The following ASAP1 variants were observed in gnomAD, a reference collection of about 807,000 sequenced individuals.
The protein encoded by ASAP1 is arf-GAP with SH3 domain, ANK repeat and PH domain-containing protein 1.
A neutral mutation model predicts 145.2 loss-of-function variants in ASAP1; 43 were observed. The observed-to-expected ratio is 0.30, with a 90% CI of 0.23 to 0.38. ASAP1 has a LOEUF of 0.38. Among genes scored for constraint, ASAP1 ranks in the 10% least tolerant of loss-of-function variants. The pLI, the probability that ASAP1 is intolerant of heterozygous loss-of-function variation, is 1.00. For synonymous variants in ASAP1, 546 were observed against 515.5 expected (o/e 1.06, Z -0.80); for missense variants, 1,018 against 1,355.3 (o/e 0.75, Z 3.91).
chr8:130,063,858 G>A (rs1192007301), intron 27 of ASAP1, among the ~76,000 whole-genome samples: 1 of 152,154 alleles, frequency 6.6e-6, no homozygotes, highest in Non-Finnish European at 1.5e-5. Flanking sequence ...AAAGAACTAG[G>A]GCCCTGCCTG....
chr8:130,253,887 G>A (rs186927479), intron 3 of ASAP1, among the ~76,000 whole-genome samples: 6 of 152,204 alleles, frequency 3.9e-5, no homozygotes, highest in African/African-American at 4.8e-5. Context: ...CAGCCGTGGC[G>A]GTGGGAGCCT....
intron 3 of ASAP1, among the ~76,000 whole-genome samples, chr8:130,279,050 G>A (rs866141898): frequency 6.6e-6 from 1 of 152,246 alleles, no homozygotes; most frequent in South Asian, 2.1e-4. Flanking sequence ...ATAAGGTATC[G>A]AAAGCCATGT....
intron 27 of ASAP1, among the ~76,000 whole-genome samples, chr8:130,070,745 A>G (rs1452794892): frequency 6.7e-6 from 1 of 150,100 alleles, no homozygotes; most frequent in African/African-American, 2.5e-5. Context: ...AGAGTTCCAC[A>G]ATAAAATGGA....
intron 4 of ASAP1, among the ~76,000 whole-genome samples, chr8:130,219,378 G>A (rs1012602360): frequency 1.3e-5 from 2 of 152,138 alleles, no homozygotes; most frequent in Admixed American, 6.5e-5. Context: ...AATAGCAAGG[G>A]CAACGGCAGA....
chr8:130,234,181 T>C (rs1586650570), intron 4 of ASAP1, among the ~76,000 whole-genome samples: 1 of 152,296 alleles, frequency 6.6e-6, no homozygotes, highest in East Asian at 1.9e-4. Context: ...CAGGACTTCC[T>C]GTGATGATGG....
At chr8:130,259,636 A>C (rs1398677737) in intron 3 of ASAP1, among the ~76,000 whole-genome samples, 1 of 152,246 alleles carries the variant, frequency 6.6e-6, no homozygotes, top group Non-Finnish European at 1.5e-5. Flanking sequence ...CTAATGAACC[A>C]TCATTATCTT....
intron 18 of ASAP1, among the ~76,000 whole-genome samples, chr8:130,121,713 G>A (rs1396942831): frequency 1.4e-5 from 2 of 147,014 alleles, no homozygotes; most frequent in African/African-American, 2.5e-5. Flanking sequence ...GAACCCGGGA[G>A]GTGGAGGTTG....
chr8:130,301,958 C>T (rs371467413), intron 3 of ASAP1, among the ~76,000 whole-genome samples: 2 of 152,226 alleles, frequency 1.3e-5, no homozygotes, highest in Admixed American at 6.5e-5. Context: ...GTAACCTCCA[C>T]GATGGCAGGG....
At chr8:130,144,469 A>G (rs2097622150) in intron 13 of ASAP1, among the ~76,000 whole-genome samples, 1 of 152,228 alleles carries the variant, frequency 6.6e-6, no homozygotes, top group Non-Finnish European at 1.5e-5. Flanking sequence ...ATAAAAGGCA[A>G]AGCTGAATTC....
intron 3 of ASAP1, among the ~76,000 whole-genome samples, chr8:130,288,832 G>T (rs1165787425): frequency 2.6e-5 from 4 of 152,220 alleles, no homozygotes; most frequent in Admixed American, 2.6e-4. Flanking sequence ...CCAATGATGG[G>T]AGATGGTTAA....
chr8:130,400,632 T>C (rs1297689971), intron 2 of ASAP1, among the ~76,000 whole-genome samples: 1 of 148,468 alleles, frequency 6.7e-6, no homozygotes, highest in Admixed American at 6.7e-5. Context: ...TAAAAAAAAA[T>C]ACAAAAAAAT....
intron 29 of ASAP1, among the ~76,000 whole-genome samples, chr8:130,057,466 T>TC (rs1414087772): frequency 6.6e-6 from 1 of 152,208 alleles, no homozygotes; most frequent in Non-Finnish European, 1.5e-5. Flanking sequence ...TTCTTTTTTT[T>TC]CAGATGGAGT....
intron 4 of ASAP1, among the ~76,000 whole-genome samples, chr8:130,220,479 G>C (rs548003621): frequency 1.3e-5 from 2 of 152,210 alleles, no homozygotes; most frequent in Admixed American, 1.3e-4. Context: ...ATTTAAATTA[G>C]AATATGCCAC....
chr8:130,133,308 A>G (rs2097586002), intron 15 of ASAP1, among the ~76,000 whole-genome samples: 1 of 152,184 alleles, frequency 6.6e-6, no homozygotes, highest in Non-Finnish European at 1.5e-5. Flanking sequence ...CTAGCATTTT[A>G]AAAAAGGGAC....
intron 3 of ASAP1, among the ~76,000 whole-genome samples, chr8:130,320,633 G>A (rs557836521): frequency 3.9e-5 from 2 of 50,724 alleles, no homozygotes; most frequent in Non-Finnish European, 7.0e-5. Flanking sequence ...CTGTATGAAG[G>A]AGGAAGAGTT....
At chr8:130,063,801 T>G (rs540349143) in intron 27 of ASAP1, among the ~76,000 whole-genome samples, 2 of 152,304 alleles carry the variant, frequency 1.3e-5, no homozygotes, top group Non-Finnish European at 2.9e-5. Context: ...TTGCTGGGCA[T>G]GTGCCGTGCC....
chr8:130,128,647 T>C (rs1372396577), intron 15 of ASAP1, among the ~76,000 whole-genome samples: 1 of 152,210 alleles, frequency 6.6e-6, no homozygotes, highest in Non-Finnish European at 1.5e-5. Flanking sequence ...GGAAACATGA[T>C]GACATTTATA....
At chr8:130,195,506 T>C (rs1331718246) in intron 5 of ASAP1, 2 of 151,932 alleles carry the variant, frequency 1.3e-5, no homozygotes, top group Non-Finnish European at 2.9e-5. Flanking sequence ...ACTGCCTGAG[T>C]GATAGAGTGT....
chr8:130,187,669 G>A (rs1228974693), intron 6 of ASAP1, among the ~76,000 whole-genome samples: 2 of 152,070 alleles, frequency 1.3e-5, no homozygotes, highest in Non-Finnish European at 2.9e-5. Flanking sequence ...TTTACCCGCC[G>A]CCATGGTCTC....
Sources: gnomAD v4.1 joint callset for allele counts (sites outside exome capture counted in the v4.1 genomes callset) on GRCh38, gnomAD v4.1.1 for gene constraint, MANE v1.5 for transcripts, NCBI Gene and HGNC (gene_info 2026-07-23, HGNC 2026-07-21) for gene names.